The following RADIL variants were observed in gnomAD, a reference collection of about 807,000 sequenced individuals.
The protein encoded by RADIL is Rap associating with DIL domain.
Under a neutral mutation model 97.6 loss-of-function variants are expected in RADIL, and 99 were observed. The observed-to-expected ratio is 1.01, with a 90% CI of 0.86 to 1.20. RADIL has a LOEUF of 1.20. Among genes scored for constraint, RADIL ranks in the 50% most tolerant of loss-of-function variants. The pLI is 0.00. For missense variants in RADIL, 1,765 were observed against 1,498.9 expected, an observed-to-expected ratio of 1.18 and a Z score of -2.93; for synonymous variants, 803 against 691.8, an observed-to-expected ratio of 1.16 and a Z score of -2.52.
chr7:4,863,432 T>G (rs1050486097), intron 2 of RADIL, among the ~76,000 whole-genome samples: 1 of 152,226 alleles, frequency 6.6e-6, no homozygotes, highest in African/African-American at 2.4e-5. Flanking sequence ...CTTGTAATTT[T>G]GGATTGTGAG....
Position 4,817,239 on chromosome 7 carries a change from C to A in RADIL, c.1728G>T (p.Lys576Asn). Residue 576 changes from lysine to asparagine, a missense_variant and splice_region_variant, in exon 7 of 15, where the codon AAG becomes AAT. Coordinates refer to ENST00000399583, the MANE Select transcript of RADIL (RefSeq NM_018059.5). The surrounding 1 kb of genome is among the most constrained non-coding windows in gnomAD (Gnocchi z 8.3). Reference protein sequence around the residue: ...AFQQCVYYVSKSLYICLPALL... With the variant: ...AFQQCVYYVSNSLYICLPALL... ...GCAGAAGCAGAGCCCGTCCGTGCAC[C>A]TTGGAGACATAGTAGACGCACTGCT... 6.2e-7 allele frequency: 1 copy of A among 1,610,732 alleles called. No individual in the cohort carries two copies. The highest frequency in any genetic ancestry group is 8.5e-7 in the Non-Finnish European group (1 of 1,178,420).
At chr7:4,882,788 G>C (rs1450955815) in intron 1 of RADIL, among the ~76,000 whole-genome samples, 1 of 152,220 alleles carries the variant, frequency 6.6e-6, no homozygotes, top group African/African-American at 2.4e-5. Flanking sequence ...CCCAGCAAAA[G>C]GGACTTTCAA....
chr7:4,860,348 T>C lies in RADIL; in HGVS notation c.535+17257A>G, dbSNP rs753988506. Reference sequence around the variant, plus strand: ...CTGGTGAAGTTCCTTTCTTCTTAAATGCATTGCAGTAATTTTCATACCCAT... The same window carrying C: ...CTGGTGAAGTTCCTTTCTTCTTAAACGCATTGCAGTAATTTTCATACCCAT... On this transcript the variant is annotated intron_variant, in intron 2 of 14. Transcript: ENST00000399583. 3 of 1,613,910 alleles carry C rather than the reference T, an allele frequency of 1.9e-6. No homozygotes were observed. In the African/African-American group the frequency reaches 4.0e-5, roughly 22 times the overall value.
At chr7:4,857,153 T>TAAC (rs1178353524) in intron 2 of RADIL, among the ~76,000 whole-genome samples, 1 of 152,250 alleles carries the variant, frequency 6.6e-6, no homozygotes, top group Admixed American at 6.5e-5. Context: ...GCTGAGTTAT[T>TAAC]AGGTGCAGAC....
chr7:4,846,123 C>CTTT lies in RADIL; in HGVS notation c.536-9521_536-9519dup, dbSNP rs548251052. 1.2e-3 allele frequency among the ~76,000 whole-genome samples: 177 copies of CTTT among 143,634 alleles called. 1 individual carries two copies. The highest frequency in any genetic ancestry group is 3.2e-3 in the African/African-American group (127 of 39,924). 94.2% of individuals were successfully genotyped at this position (143,634 alleles called of 152,430 possible). On this transcript the variant is annotated intron_variant, in intron 2 of 14. Coordinates refer to ENST00000399583, the MANE Select transcript of RADIL (RefSeq NM_018059.5). ...TCTTTTGTTCCAGAGCTACAATCTT[C>CTTT]TTTTTTTTTTTTTTTTTTTTTTAAA...
At position 4,815,386 on chromosome 7, in the gene RADIL, G is replaced by C. The variant is rs1400003268; in HGVS notation, c.2031C>G (p.Leu677=). 1.9e-6 allele frequency: 3 copies of C among 1,565,396 alleles called. No homozygotes were observed. Among genetic ancestry groups the C allele is most frequent in the Non-Finnish European group, 2.6e-6 (3 of 1,155,406 alleles). ...GVQACARLQQ[L]LEWMRSAGFG... The stretch of plus-strand genomic sequence containing the variant: ...AGCCGGCGCTCCGCATCCACTCCAG[G>C]AGCTGCTGCAGGCGGGCGCAGGCCT... Residue 677 remains leucine (L), a synonymous_variant, in exon 9 of 15, where the codon CTC becomes CTG. Coordinates refer to ENST00000399583, the MANE Select transcript of RADIL (RefSeq NM_018059.5). This position sits in a 1 kb window ranked among gnomAD's most constrained non-coding sequence, Gnocchi z 8.0.
At chr7:4,810,793 G>C (rs1355284758) in intron 9 of RADIL, among the ~76,000 whole-genome samples, 1 of 152,192 alleles carries the variant, frequency 6.6e-6, no homozygotes, top group Non-Finnish European at 1.5e-5. Flanking sequence ...CTGCTCACCA[G>C]GGCCTGGCTT....
At chr7:4,832,998 T>C (rs1474908996) in intron 4 of RADIL, among the ~76,000 whole-genome samples, 1 of 152,172 alleles carries the variant, frequency 6.6e-6, no homozygotes, top group African/African-American at 2.4e-5. Flanking sequence ...GGACTCAGGC[T>C]CGGTCTCATG....
intron 2 of RADIL, chr7:4,858,876 C>CAGGCAAAGAGAAGAGAGGG (rs1562453007): frequency 1.3e-5 from 2 of 152,134 alleles, no homozygotes; most frequent in African/African-American, 4.8e-5. Context: ...TGTGTGCATA[C>CAGGCAAAGAGAAGAGAGGG]AGGCAAAGAG....
At chr7:4,823,309 A>C (rs1015821291) in intron 5 of RADIL, among the ~76,000 whole-genome samples, 1 of 145,350 alleles carries the variant, frequency 6.9e-6, no homozygotes, top group African/African-American at 2.6e-5. Context: ...TACAAACATT[A>C]GTCTGGCTAA....
In RADIL at chr7:4,803,646, A is replaced by C; in HGVS notation, c.2399T>G (p.Leu800Arg). The C allele has an allele frequency of 6.4e-7, 1 of 1,550,496 alleles. No individual in the cohort carries two copies. Among genetic ancestry groups the C allele is most frequent in the Non-Finnish European group, 8.7e-7 (1 of 1,147,254 alleles). The change falls in exon 11 of 15, where the codon CTG becomes CGG. Residue 800 changes from leucine to arginine, a missense_variant. Physicochemically the swap from Leu to Arg is moderately radical, Grantham distance 102. Transcript: ENST00000399583. ...CCACAGAAAGTGGCGGACGTAGAGC[A>C]GGTGCTGGTAGATGCTGTCGTCCAG... ...NCLDDSIYQH[L>R]LYVRHFLWGL...
At chr7:4,844,281 T>C (rs534243640) in intron 2 of RADIL, among the ~76,000 whole-genome samples, 103 of 151,846 alleles carry the variant, frequency 6.8e-4, no homozygotes, top group African/African-American at 2.4e-3. Flanking sequence ...CTGTCTCTAC[T>C]AAAAATACAA....
chr7:4,873,163 C>T lies in RADIL; in HGVS notation c.535+4442G>A, dbSNP rs1472441901. Among the ~76,000 whole-genome samples, 2 of 152,188 alleles carry T rather than the reference C, an allele frequency of 1.3e-5. No homozygotes were observed. Among genetic ancestry groups the T allele is most frequent in the African/African-American group, 4.8e-5 (2 of 41,444 alleles). ...GGTCAGACTGGTCTTGAACTCCTGA[C>T]TTCAATTGATCTGCCTGCCTCGGCC... On this transcript the variant is annotated intron_variant, in intron 2 of 14. Coordinates refer to ENST00000399583, the MANE Select transcript of RADIL (RefSeq NM_018059.5). This position sits in a 1 kb window ranked among gnomAD's most constrained non-coding sequence, Gnocchi z 4.3.
At chr7:4,853,259 G>A (rs1359668129) in intron 2 of RADIL, among the ~76,000 whole-genome samples, 2 of 152,114 alleles carry the variant, frequency 1.3e-5, no homozygotes, top group Non-Finnish European at 2.9e-5. Flanking sequence ...TCAAGATTAT[G>A]TTTTGTTGTA....
intron 5 of RADIL, among the ~76,000 whole-genome samples, chr7:4,831,741 A>G (rs902394115): frequency 1.3e-5 from 2 of 149,146 alleles, no homozygotes; most frequent in African/African-American, 5.0e-5. Context: ...AAAAAAAATT[A>G]GCCAGGCATG....
intron 2 of RADIL, among the ~76,000 whole-genome samples, chr7:4,851,980 A>G (rs1474660266): frequency 6.6e-6 from 1 of 152,222 alleles, no homozygotes; most frequent in African/African-American, 2.4e-5. Context: ...TCTTAGTCAA[A>G]ACAGAGGACC....
rs1471967754 is a variant in RADIL, at chr7:4,799,462, A to G, written c.3144T>C (p.His1048=). ...CCAGGAACCGCATCTTCTTCCCGCC[A>G]TGACGGATCAGGTCCACAGCTCTGA... ...GYLRAVDLIR[H]GGKKMRFLVA... Residue 1048 remains histidine, a synonymous_variant, in exon 15 of 15, where the codon CAT becomes CAC. Transcript: ENST00000399583. 3 of 1,613,956 alleles carry G rather than the reference A, an allele frequency of 1.9e-6. No individual in the cohort carries two copies. The highest frequency in any genetic ancestry group is 1.3e-5 in the African/African-American group (1 of 75,024).
intron 3 of RADIL, 57 bp downstream of exon 3, chr7:4,836,301 C>G: frequency 6.5e-7 from 1 of 1,549,502 alleles, no homozygotes; most frequent in Non-Finnish European, 8.7e-7. Flanking sequence ...ACTTCTGAGT[C>G]CCGCCTGCTG....
Position 4,836,394 on chromosome 7 carries a change from C to A in RADIL, c.747G>T (p.Pro249=), listed in dbSNP as rs751905042. 1.3e-6 allele frequency: 2 copies of A among 1,576,502 alleles called. No individual in the cohort carries two copies. The highest frequency in any genetic ancestry group is 1.7e-6 in the Non-Finnish European group (2 of 1,161,106). Residue 249 remains proline, a synonymous_variant, in exon 3 of 15, where the codon CCG becomes CCT. Transcript: ENST00000399583. ...TGTAGCCCTGCAGAAGGAGCAGATG[C>A]GGGGACTGGTACAGCGAGTACCGCA... ...DAMRYSLYQS[P]HLLLLQGYSQ...
Sources: gnomAD v4.1 joint callset for allele counts (sites outside exome capture counted in the v4.1 genomes callset) on GRCh38, gnomAD v4.1.1 for gene constraint, Gnocchi (gnomAD v3.1) non-coding constraint, MANE v1.5 for transcripts, NCBI Gene and HGNC (gene_info 2026-07-23, HGNC 2026-07-21) for gene names.